THSD7B: variants seen among roughly 807,000 people sequenced by gnomAD.
The protein encoded by THSD7B is thrombospondin type 1 domain containing 7B.
THSD7B carries 138 observed loss-of-function variants against 213.6 expected under a neutral mutation model. The observed-to-expected ratio is 0.65, with a 90% CI of 0.56 to 0.74. THSD7B has a LOEUF of 0.74. Among genes scored for constraint, THSD7B ranks in the 30% least tolerant of loss-of-function variants. THSD7B has a pLI of 0.00. For missense variants in THSD7B, 1,931 were observed against 1,991.5 expected, an observed-to-expected ratio of 0.97 and a Z score of 0.58; for synonymous variants, 742 against 687.0, an observed-to-expected ratio of 1.08 and a Z score of -1.25.
chr2:137,314,386 G>A (rs1340879204), intron 12 of THSD7B, among the ~76,000 whole-genome samples: 1 of 152,074 alleles, frequency 6.6e-6, no homozygotes, highest in African/African-American at 2.4e-5. Context: ...CTCTGTATTG[G>A]TTATTCTAGT....
At chr2:137,578,443 G>A (rs2105242296) in intron 17 of THSD7B, among the ~76,000 whole-genome samples, 1 of 152,324 alleles carries the variant, frequency 6.6e-6, no homozygotes, top group African/African-American at 2.4e-5. Context: ...TCAATTTCAT[G>A]TAGTGTGAAC....
At chr2:136,971,160 A>T (rs926344576) in intron 2 of THSD7B, among the ~76,000 whole-genome samples, 1 of 152,202 alleles carries the variant, frequency 6.6e-6, no homozygotes, top group Non-Finnish European at 1.5e-5. Flanking sequence ...ATGGGCGGTT[A>T]TAGAACTGTA....
intron 10 of THSD7B, among the ~76,000 whole-genome samples, chr2:137,251,283 T>C (rs1682169767): frequency 6.6e-6 from 1 of 152,180 alleles, no homozygotes. Context: ...ACTTAGAGCA[T>C]CAGATTTGTC....
rs115072563 is a variant in THSD7B at position 136,952,360 on chromosome 2, A to G, written c.139+70043A>G. Among the ~76,000 whole-genome samples the G allele has an allele frequency of 6.9e-3, 1,048 of 151,794 alleles. 13 individuals are homozygous for G. The highest frequency in any genetic ancestry group is 0.024 in the African/African-American group (974 of 41,438). ...TTCTTCTTGCCCTTGAATATGAGTAATGTACTATAGATTGCATTTCTCAGT... is the reference window on the plus strand; with the variant it reads ...TTCTTCTTGCCCTTGAATATGAGTAGTGTACTATAGATTGCATTTCTCAGT... On this transcript the variant is annotated intron_variant, in intron 2 of 27. Transcript: ENST00000409968.
At chr2:137,102,934 G>A (rs1688178810) in intron 4 of THSD7B, among the ~76,000 whole-genome samples, 1 of 152,172 alleles carries the variant, frequency 6.6e-6, no homozygotes. Flanking sequence ...AAGTGACAGG[G>A]AGAATGGAAC....
At position 137,056,923 on chromosome 2, in the gene THSD7B, T is replaced by G; in HGVS notation, c.643T>G (p.Leu215Val). 1 of 1,613,896 alleles carries G rather than the reference T, an allele frequency of 6.2e-7. No individual in the cohort carries two copies. Among genetic ancestry groups the G allele is most frequent in the Admixed American group, 1.7e-5 (1 of 60,014 alleles). ...CATAGCTCCCCCTCTCTTTGGTGGT[T>G]TGCAATGTCCAAATCTGACTGAGTC... ...AVIAPPLFGG[L>V]QCPNLTESRA... Residue 215 changes from leucine to valine, a missense_variant, in exon 3 of 28, where the codon TTG becomes GTG. By Grantham distance (32) the Leu-to-Val change is conservative (BLOSUM62 1). Coordinates refer to ENST00000409968, the MANE Select transcript of THSD7B (RefSeq NM_001316349.2).
chr2:137,551,863 G>C (rs781517934), intron 15 of THSD7B, among the ~76,000 whole-genome samples: 1 of 152,104 alleles, frequency 6.6e-6, no homozygotes, highest in African/African-American at 2.4e-5. Flanking sequence ...CCTGGGGCTT[G>C]AGCATCTGGC....
At chr2:137,452,386 G>A (rs1687668865) in intron 15 of THSD7B, among the ~76,000 whole-genome samples, 1 of 152,060 alleles carries the variant, frequency 6.6e-6, no homozygotes, top group South Asian at 2.1e-4. Flanking sequence ...AGCAGAGATA[G>A]TCTGAAGAGA....
chr2:136,847,389 A>G (rs1573666998), intron 1 of THSD7B, among the ~76,000 whole-genome samples: 1 of 152,118 alleles, frequency 6.6e-6, no homozygotes, highest in Non-Finnish European at 1.5e-5. Context: ...TCCTCTTTCT[A>G]TTTGGATAGG....
intron 17 of THSD7B, among the ~76,000 whole-genome samples, chr2:137,602,100 A>T (rs1573736863): frequency 6.6e-6 from 1 of 152,216 alleles, no homozygotes; most frequent in Non-Finnish European, 1.5e-5. Flanking sequence ...GAGGGAATAC[A>T]ATCCAAATTA....
intron 14 of THSD7B, among the ~76,000 whole-genome samples, chr2:137,441,440 G>A (rs940600673): frequency 6.6e-6 from 1 of 152,022 alleles, no homozygotes; most frequent in Non-Finnish European, 1.5e-5. Context: ...TTTAATTTGT[G>A]GTCTCTCTCC....
intron 2 of THSD7B, among the ~76,000 whole-genome samples, chr2:137,018,551 A>G (rs13412355): frequency 0.076 from 11,513 of 152,280 alleles, 473 homozygotes; most frequent in East Asian, 0.15. Flanking sequence ...AACAAATAAA[A>G]TACAGCTTCT....
chr2:136,785,604 A>T (rs143567603), intron 1 of THSD7B, among the ~76,000 whole-genome samples: 47 of 152,272 alleles, frequency 3.1e-4, no homozygotes, highest in African/African-American at 1.1e-3. Context: ...CACATCCAAG[A>T]CCAATCGGCA....
chr2:137,043,221 G>A (rs761948049), intron 2 of THSD7B, among the ~76,000 whole-genome samples: 1 of 152,078 alleles, frequency 6.6e-6, no homozygotes, highest in Non-Finnish European at 1.5e-5. Flanking sequence ...TATTTACTTT[G>A]AGCCCTTCCT....
intron 10 of THSD7B, among the ~76,000 whole-genome samples, chr2:137,254,647 C>CTA (rs1682262870): frequency 6.6e-6 from 1 of 152,162 alleles, no homozygotes; most frequent in Non-Finnish European, 1.5e-5. Context: ...ATCTCTGAAA[C>CTA]TATATGCTCA....
At position 137,347,969 on chromosome 2, in the gene THSD7B, C is replaced by A. The variant is rs116331947; in HGVS notation, c.2501-57644C>A. On this transcript the variant is annotated intron_variant, in intron 12 of 27. Transcript: ENST00000409968. ...CTAAATTTAATTTGGGCCTCATTTT[C>A]AAAAAAAAAAACATAGAAAGCATTA... 2.4e-3 allele frequency among the ~76,000 whole-genome samples: 342 copies of A among 140,104 alleles called. 1 individual carries two copies. The highest frequency in any genetic ancestry group is 2.3e-3 in the Non-Finnish European group (144 of 63,640). The allele number at this position is 140,104 out of a possible 152,430, so 91.9% of individuals were successfully genotyped here.
intron 1 of THSD7B, among the ~76,000 whole-genome samples, chr2:136,860,098 A>C (rs1181865825): frequency 6.8e-6 from 1 of 147,926 alleles, no homozygotes; most frequent in African/African-American, 2.5e-5. Context: ...GCGCACTACA[A>C]GCTCTGCCTC....
intron 14 of THSD7B, among the ~76,000 whole-genome samples, chr2:137,418,476 T>G (rs1686848345): frequency 1.3e-5 from 2 of 152,250 alleles, no homozygotes; most frequent in South Asian, 4.1e-4. Context: ...ACTGATAATT[T>G]GAAACACTCA....
chr2:137,201,423 C>A (rs1216518658), intron 7 of THSD7B, among the ~76,000 whole-genome samples: 1 of 152,056 alleles, frequency 6.6e-6, no homozygotes, highest in African/African-American at 2.4e-5. Context: ...ATTTCAGTTC[C>A]TTTTGATATG....
Sources: gnomAD v4.1 joint callset for allele counts (sites outside exome capture counted in the v4.1 genomes callset) on GRCh38, gnomAD v4.1.1 for gene constraint, MANE v1.5 for transcripts, NCBI Gene and HGNC (gene_info 2026-07-23, HGNC 2026-07-21) for gene names.